Variants in PTPN2 observed in about 807,000 individuals in gnomAD.
PTPN2 encodes protein tyrosine phosphatase non-receptor type 2, also known as tyrosine-protein phosphatase non-receptor type 2.
In PTPN2, 19 loss-of-function variants were observed where a neutral mutation model predicts 57.3. That is an observed-to-expected ratio of 0.33 (90% CI 0.23 to 0.49). PTPN2 has a LOEUF of 0.49. PTPN2 is among the 20% of genes least tolerant of loss of function. The probability of loss-of-function intolerance (pLI) is 0.99; values close to 1 mark genes in which losing one functional copy is unlikely to be tolerated. For missense variants in PTPN2, 358 were observed against 501.1 expected (o/e 0.71, Z 2.73); for synonymous variants, 153 against 164.9 (o/e 0.93, Z 0.55).
intron 8 of PTPN2, 61 bp downstream of exon 8, chr18:12,801,909 T>A (rs1310770500): frequency 7.0e-6 from 10 of 1,436,362 alleles, no homozygotes; most frequent in Non-Finnish European, 4.7e-6. Context: ...CCTGGTCCCA[T>A]AAAATTTATT....
intron 1 of PTPN2, among the ~76,000 whole-genome samples, chr18:12,870,043 AT>A (rs112668706): frequency 6.7e-6 from 1 of 149,722 alleles, no homozygotes; most frequent in African/African-American, 2.5e-5. Flanking sequence ...TCTTCACTAC[AT>A]TTTTTTTTCT....
At chr18:12,826,621 T>G (rs149891697) in intron 4 of PTPN2, among the ~76,000 whole-genome samples, 2 of 152,148 alleles carry the variant, frequency 1.3e-5, no homozygotes, top group East Asian at 3.9e-4. Context: ...CAGGCTGGAA[T>G]GCAGTGGCGT....
At chr18:12,830,132 T>TC (rs1362474915) in intron 4 of PTPN2, among the ~76,000 whole-genome samples, 6 of 151,694 alleles carry the variant, frequency 4.0e-5, no homozygotes, top group Non-Finnish European at 7.4e-5. Flanking sequence ...AGATGGAGTC[T>TC]CACTCTACCG....
intron 2 of PTPN2, among the ~76,000 whole-genome samples, chr18:12,844,169 A>C (rs892547847): frequency 6.6e-6 from 1 of 152,226 alleles, no homozygotes; most frequent in African/African-American, 2.4e-5. Context: ...TACCATAGTT[A>C]ACCACTTACC....
In PTPN2 at chr18:12,795,730, G is replaced by C. The variant is rs1434071994; in HGVS notation, c.1041-1245C>G. On this transcript the variant is annotated intron_variant, in intron 8 of 8. Coordinates refer to ENST00000309660, the MANE Select transcript of PTPN2 (RefSeq NM_002828.4). ...ATTCAAGTCCAGCTTGTGCAATATA[G>C]CAAGTCTTGCCTCTCTATAAAAGCA... Among the ~76,000 whole-genome samples the C allele has an allele frequency of 2.0e-5, 3 of 152,078 alleles. No individual in the cohort carries two copies. In the South Asian group the frequency reaches 6.2e-4, roughly 31 times the overall value.
intron 8 of PTPN2, among the ~76,000 whole-genome samples, chr18:12,800,315 C>T (rs2041368598): frequency 6.6e-6 from 1 of 152,106 alleles, no homozygotes; most frequent in South Asian, 2.1e-4. Flanking sequence ...CCATTTCAGT[C>T]ATCAAGCCTG....
At chr18:12,794,530 G>A in intron 8 of PTPN2, 45 bp from the exon 9 acceptor site, 1 of 1,600,162 alleles carries the variant, frequency 6.2e-7, no homozygotes, top group Non-Finnish European at 8.5e-7. Context: ...ACACAGAGCA[G>A]GACTTGAGTA....
At chr18:12,824,723 T>G (rs9954371) in intron 5 of PTPN2, among the ~76,000 whole-genome samples, 19 of 152,144 alleles carry the variant, frequency 1.2e-4, no homozygotes, top group African/African-American at 4.6e-4. Flanking sequence ...AACAGCAGGT[T>G]CATAACCCAC....
At chr18:12,851,159 G>A (rs2043381519) in intron 2 of PTPN2, among the ~76,000 whole-genome samples, 1 of 152,036 alleles carries the variant, frequency 6.6e-6, no homozygotes, top group Admixed American at 6.5e-5. Context: ...AGGGTTCTAT[G>A]TATTTTTCTT....
intron 8 of PTPN2, among the ~76,000 whole-genome samples, chr18:12,796,167 G>A (rs968253225): frequency 6.6e-6 from 1 of 152,112 alleles, no homozygotes; most frequent in Non-Finnish European, 1.5e-5. Flanking sequence ...GAAAAAGGCA[G>A]GGAACAGTTC....
Position 12,884,111 on chromosome 18 carries a change from C to G in PTPN2, c.31G>C (p.Glu11Gln), listed in dbSNP as rs200164592. 179 of 1,588,992 alleles carry G rather than the reference C, an allele frequency of 1.1e-4. No individual in the cohort carries two copies. In the East Asian group the frequency reaches 3.4e-3, roughly 30 times the overall value. Residue 11 changes from glutamate to glutamine, a missense_variant, in exon 1 of 9, where the codon GAG (glutamate) becomes CAG (glutamine). Physicochemically the swap from Glu to Gln is conservative, Grantham distance 29. Around this residue, in one of 4 missense-constraint regions of PTPN2, gnomAD observed 62 missense variants for 47.9 expected, o/e 1.29. Transcript: ENST00000309660. ...TGCCAGCGACGCTGAGTATCCAACTCTTCGAACTCCCGCTCGATGGTGGTG... is the reference window on the plus strand; with the variant it reads ...TGCCAGCGACGCTGAGTATCCAACTGTTCGAACTCCCGCTCGATGGTGGTG... MPTTIEREFE[E>Q]LDTQRRWQPL... is the part of the protein sequence containing the mutation.
At chr18:12,822,249 G>C (rs2042295492) in intron 5 of PTPN2, among the ~76,000 whole-genome samples, 1 of 152,078 alleles carries the variant, frequency 6.6e-6, no homozygotes, top group South Asian at 2.1e-4. Flanking sequence ...ATAATAATTA[G>C]AGACTCTCAT....
At chr18:12,883,374 A>T (rs542055032) in intron 1 of PTPN2, among the ~76,000 whole-genome samples, 1 of 152,324 alleles carries the variant, frequency 6.6e-6, no homozygotes, top group South Asian at 2.1e-4. Context: ...CTGCTGGGCC[A>T]CGGGGGAAAA....
chr18:12,791,259 G>GTTCC (rs2040976632), downstream of PTPN2, among the ~76,000 whole-genome samples: 1 of 152,124 alleles, frequency 6.6e-6, no homozygotes, highest in Non-Finnish European at 1.5e-5. Context: ...AGCAGAAATA[G>GTTCC]ATATGAGTGG....
intron 1 of PTPN2, among the ~76,000 whole-genome samples, chr18:12,874,779 C>G (rs1287685621): frequency 6.6e-6 from 1 of 152,170 alleles, no homozygotes; most frequent in African/African-American, 2.4e-5. Context: ...AGCCCCTCTG[C>G]CCGGCCACCA....
At chr18:12,811,813 T>G (rs1226239272) in intron 7 of PTPN2, among the ~76,000 whole-genome samples, 1 of 152,192 alleles carries the variant, frequency 6.6e-6, no homozygotes, top group African/African-American at 2.4e-5. Context: ...GCTCTCATTT[T>G]GAGGCCTGGT....
At chr18:12,804,776 C>G (rs141183556) in intron 7 of PTPN2, among the ~76,000 whole-genome samples, 11 of 152,254 alleles carry the variant, frequency 7.2e-5, no homozygotes, top group African/African-American at 2.6e-4. Context: ...GACTTGATGG[C>G]TTCATGGCTG....
chr18:12,866,366 A>G (rs1171521884), intron 1 of PTPN2, among the ~76,000 whole-genome samples: 2 of 152,174 alleles, frequency 1.3e-5, no homozygotes, highest in East Asian at 3.9e-4. Flanking sequence ...TGAACCCAGG[A>G]GGCGGGGCTT....
chr18:12,819,160 TA>T, intron 5 of PTPN2: 1 of 751,198 alleles, frequency 1.3e-6, no homozygotes, highest in Non-Finnish European at 2.0e-6. Flanking sequence ...ACTCAGTATA[TA>T]AGGTATAATA....
Sources: gnomAD v4.1 joint callset for allele counts (sites outside exome capture counted in the v4.1 genomes callset) on GRCh38, gnomAD v4.1.1 for gene constraint, gnomAD v4.1.1 regional missense constraint, MANE v1.5 for transcripts, NCBI Gene and HGNC (gene_info 2026-07-23, HGNC 2026-07-21) for gene names.